Variants in NUP93 observed in about 807,000 individuals in gnomAD.
The protein encoded by NUP93 is nuclear pore complex protein Nup93.
NUP93 carries 55 observed loss-of-function variants against 107.8 expected under a neutral mutation model. That is an observed-to-expected ratio of 0.51 (90% CI 0.41 to 0.64). NUP93 has a LOEUF of 0.64. NUP93 is among the 30% of genes least tolerant of loss of function. NUP93 has a pLI of 0.00. For synonymous variants in NUP93, 390 were observed against 397.5 expected (o/e 0.98, Z 0.22); for missense variants, 937 against 1,044.7 (o/e 0.90, Z 1.42).
At position 56,834,164 on chromosome 16, in the gene NUP93, G is replaced by A. The variant is rs141371158; in HGVS notation, c.1574G>A (p.Arg525Gln). The A allele has an allele frequency of 1.0e-4, 167 of 1,614,120 alleles. 3 individuals are homozygous for A. The South Asian group carries it at 1.1e-3, about 11-fold the overall frequency. The stretch of plus-strand genomic sequence containing the variant: ...CCTGGTGACCCTCCTTGCTTGCGGC[G>A]GCTGAACTTCGTGCGGCTCCTCATG... ...HEPGDPPCLR[R>Q]LNFVRLLMLY... Residue 525 changes from arginine (R) to glutamine (Q), a missense_variant, in exon 14 of 22, where the codon CGG becomes CAG. By Grantham distance (43) the Arg-to-Gln change is conservative (BLOSUM62 1). Coordinates refer to ENST00000308159, the MANE Select transcript of NUP93 (RefSeq NM_014669.5).
intron 4 of NUP93, among the ~76,000 whole-genome samples, chr16:56,803,809 G>A (rs1359382980): frequency 2.0e-5 from 3 of 151,876 alleles, no homozygotes; most frequent in African/African-American, 7.3e-5. Context: ...TTGCTCTGTT[G>A]CCCAGGCTGG....
rs1964111671 is a variant in NUP93, at chr16:56,845,980, C to G, written c.*1371C>G. 1 of 152,236 alleles carries G rather than the reference C, an allele frequency of 6.6e-6. No individual in the cohort carries two copies. The highest frequency in any genetic ancestry group is 2.4e-5 in the African/African-American group (1 of 41,444). The allele number at this position is 152,236 out of a possible 1,614,324, so 9.4% of individuals were successfully genotyped here. A position where few individuals can be genotyped will look rare whatever the true frequency, so the allele number is the denominator to read the frequency against. ...CCTCCTCTAGTCCCATCTTGTCACC[C>G]TGGAGGACTGTCTTCAATTGAGCTT... is the stretch of plus-strand genomic sequence containing the variant. On this transcript the variant is annotated 3_prime_UTR_variant, in exon 22 of 22. Coordinates refer to ENST00000308159, the MANE Select transcript of NUP93 (RefSeq NM_014669.5).
At position 56,748,366 on chromosome 16, in the gene NUP93, G is replaced by A. The variant is rs2144457954; in HGVS notation, c.119G>A (p.Gly40Glu). 3 of 1,614,048 alleles carry A rather than the reference G, an allele frequency of 1.9e-6. No homozygotes were observed. The highest frequency in any genetic ancestry group is 2.5e-6 in the Non-Finnish European group (3 of 1,180,016). ...AACTTACAGGAGATCCAGCAGGCGG[G>A]AGAGCGCCTGCGTTCCCGTACCCTA... The part of the protein sequence containing the change: ...ERNLQEIQQA[G>E]ERLRSRTLTR... Residue 40 changes from glycine (G) to glutamate (E), a missense_variant, in exon 2 of 22, where the codon GGA (glycine) becomes GAA (glutamate). By Grantham distance (98) the Gly-to-Glu change is moderately conservative. Coordinates refer to ENST00000308159, the MANE Select transcript of NUP93 (RefSeq NM_014669.5).
At chr16:56,791,299 T>C (rs1596804474) in intron 3 of NUP93, among the ~76,000 whole-genome samples, 1 of 152,334 alleles carries the variant, frequency 6.6e-6, no homozygotes. Flanking sequence ...TAACAGGAAA[T>C]TTGTGTGTTC....
At chr16:56,748,825 G>A (rs150805511) in intron 2 of NUP93, among the ~76,000 whole-genome samples, 6 of 152,294 alleles carry the variant, frequency 3.9e-5, no homozygotes, top group Non-Finnish European at 4.4e-5. Flanking sequence ...ACTCAGTGAT[G>A]AGGACAGTTT....
rs1313818507 is a variant in NUP93 at position 56,844,786 on chromosome 16, AT to A, written c.*181del. 1 of 314,008 alleles carries A rather than the reference AT, an allele frequency of 3.2e-6. No homozygotes were observed. Among genetic ancestry groups the A allele is most frequent in the Non-Finnish European group, 5.1e-6 (1 of 197,860 alleles). 19.5% of individuals were successfully genotyped at this position (314,008 alleles called of 1,614,324 possible). ...TTGTATTTCTTTTCAACATTCTTTT[AT>A]TTTCTTTTTTTTTTTCTTTGAAATT... On this transcript the variant is annotated 3_prime_UTR_variant, in exon 22 of 22. Coordinates refer to ENST00000308159, the MANE Select transcript of NUP93 (RefSeq NM_014669.5).
intron 1 of NUP93, among the ~76,000 whole-genome samples, chr16:56,731,326 C>G (rs1961531494): frequency 6.6e-6 from 1 of 152,040 alleles, no homozygotes; most frequent in African/African-American, 2.4e-5. Flanking sequence ...TTTTTCTCAT[C>G]TCAATAATAG....
intron 1 of NUP93, among the ~76,000 whole-genome samples, chr16:56,740,217 T>A (rs2144440455): frequency 7.0e-6 from 1 of 143,746 alleles, no homozygotes; most frequent in Non-Finnish European, 1.5e-5. Context: ...GAGAGGCTCC[T>A]CACTTCTCAG....
At chr16:56,744,178 A>G (rs187633251) in intron 1 of NUP93, among the ~76,000 whole-genome samples, 428 of 152,276 alleles carry the variant, frequency 2.8e-3, no homozygotes, top group Non-Finnish European at 5.0e-3. Context: ...TCCAGGCTAC[A>G]TGGCCAGATT....
intron 16 of NUP93, among the ~76,000 whole-genome samples, chr16:56,835,786 T>C (rs1474967917): frequency 6.6e-6 from 1 of 152,184 alleles, no homozygotes; most frequent in Non-Finnish European, 1.5e-5. Flanking sequence ...CATGCTCTCC[T>C]GACCATTTAG....
chr16:56,773,165 A>G (rs1354964708), intron 3 of NUP93, among the ~76,000 whole-genome samples: 4 of 152,218 alleles, frequency 2.6e-5, no homozygotes, highest in East Asian at 3.8e-4. Context: ...ATGATTGATT[A>G]TACATTAAAG....
chr16:56,788,046 TC>T (rs1659199022), intron 3 of NUP93, among the ~76,000 whole-genome samples: 1 of 152,218 alleles, frequency 6.6e-6, no homozygotes, highest in South Asian at 2.1e-4. Context: ...TTCTTGCGTC[TC>T]CAAAGTTTAG....
At chr16:56,834,545 G>A in intron 15 of NUP93, 103 bp downstream of exon 15, 1 of 1,280,084 alleles carries the variant, frequency 7.8e-7, no homozygotes, top group South Asian at 1.3e-5. Flanking sequence ...GGTGGATAAG[G>A]CCTAGGGAGT....
chr16:56,757,711 C>T (rs1171564801), intron 2 of NUP93, among the ~76,000 whole-genome samples: 1 of 152,202 alleles, frequency 6.6e-6, no homozygotes, highest in Non-Finnish European at 1.5e-5. Context: ...GACTGGGCAG[C>T]AGAGAGGGAA....
intron 1 of NUP93, among the ~76,000 whole-genome samples, chr16:56,735,649 A>T (rs1278215864): frequency 6.6e-6 from 1 of 152,128 alleles, no homozygotes; most frequent in African/African-American, 2.4e-5. Context: ...GTTCGAGACC[A>T]GCGTGGCAAA....
At chr16:56,741,094 C>T (rs969573293) in intron 1 of NUP93, among the ~76,000 whole-genome samples, 11 of 152,070 alleles carry the variant, frequency 7.2e-5, no homozygotes, top group Non-Finnish European at 8.8e-5. Context: ...TAATAAAAAG[C>T]ATATTTGGTA....
At chr16:56,783,723 G>A in intron 3 of NUP93, 1 of 985,436 alleles carries the variant, frequency 1.0e-6, no homozygotes, top group African/African-American at 1.7e-5. Flanking sequence ...TCTGAAGGCA[G>A]CTGCAAGGCC....
At chr16:56,832,173 C>A in intron 11 of NUP93, 122 bp from the exon 12 acceptor site, 1 of 1,228,098 alleles carries the variant, frequency 8.1e-7, no homozygotes, top group Non-Finnish European at 1.2e-6. Flanking sequence ...AGCTCATAAC[C>A]ATAGCCTTAA....
At chr16:56,735,804 G>A (rs1961602074) in intron 1 of NUP93, among the ~76,000 whole-genome samples, 3 of 150,398 alleles carry the variant, frequency 2.0e-5, no homozygotes, top group Admixed American at 1.3e-4. Context: ...CTCCAGCCTG[G>A]GGGACAAAAG....
Sources: gnomAD v4.1 joint callset for allele counts (sites outside exome capture counted in the v4.1 genomes callset) on GRCh38, gnomAD v4.1.1 for gene constraint, MANE v1.5 for transcripts, NCBI Gene and HGNC (gene_info 2026-07-23, HGNC 2026-07-21) for gene names.